The following RARB variants were observed in gnomAD, a reference collection of about 807,000 sequenced individuals.
RARB encodes the protein HBV-activated protein.
In RARB, 17 loss-of-function variants were observed where a neutral mutation model predicts 51.9. The ratio of observed to expected loss-of-function variants is 0.33; its 90% CI spans 0.22 to 0.49. The LOEUF is 0.49. RARB is among the 20% of genes least tolerant of loss of function. The pLI is 0.99. For missense variants in RARB, 369 were observed against 550.8 expected (o/e 0.67, Z 3.30); for synonymous variants, 215 against 195.4 (o/e 1.10, Z -0.84).
intron 1 of RARB, among the ~76,000 whole-genome samples, chr3:25,432,755 C>T (rs965793708): frequency 3.3e-5 from 5 of 152,082 alleles, no homozygotes; most frequent in African/African-American, 1.2e-4. Context: ...AAGGGAAATA[C>T]ATGATAAATA....
intron 2 of RARB, among the ~76,000 whole-genome samples, chr3:24,870,835 G>T (rs1702933498): frequency 6.6e-6 from 1 of 152,062 alleles, no homozygotes; most frequent in Non-Finnish European, 1.5e-5. Context: ...TCACATTGGG[G>T]TAATTGGGAG....
chr3:25,239,645 G>A (rs150392766), intron 5 of RARB, among the ~76,000 whole-genome samples: 188 of 152,216 alleles, frequency 1.2e-3, no homozygotes, highest in African/African-American at 4.3e-3. Flanking sequence ...CCTCTATTCT[G>A]TTCCGTTGGT....
rs1196045087 is a variant in RARB at position 24,959,357 on chromosome 3, G to C, written c.-380+100605G>C. Among the ~76,000 whole-genome samples the C allele has an allele frequency of 2.0e-5, 3 of 152,298 alleles. No individual in the cohort carries two copies. In the East Asian group the frequency reaches 5.8e-4, roughly 29 times the overall value. ...CTCAGTGGGAAGGGGAGCTGGAAAG[G>C]GGATGGAGCAGGAAGGTATTCTTCT... On this transcript the variant is annotated intron_variant, in intron 2 of 11. Transcript: ENST00000383772.
chr3:25,183,303 T>A (rs565041206), intron 5 of RARB, among the ~76,000 whole-genome samples: 1 of 152,270 alleles, frequency 6.6e-6, no homozygotes, highest in South Asian at 2.1e-4. Context: ...AGCCAATCTG[T>A]CTTTATCCTG....
In RARB at chr3:24,999,795, T is replaced by C. The variant is rs865923259; in HGVS notation, c.-379-60330T>C. Among the ~76,000 whole-genome samples the C allele has an allele frequency of 2.0e-5, 3 of 152,274 alleles. No homozygotes were observed. In the South Asian group the frequency reaches 6.2e-4, roughly 32 times the overall value. ...GGTGGTATCCCACTCCCTCACTCTA[T>C]ATCTTGCCTCTGTGGTATAAGTTTT... On this transcript the variant is annotated intron_variant, in intron 2 of 11. Transcript: ENST00000383772.
chr3:25,588,495 G>A (rs1436368462), intron 5 of RARB, among the ~76,000 whole-genome samples: 2 of 152,182 alleles, frequency 1.3e-5, no homozygotes, highest in Non-Finnish European at 2.9e-5. Flanking sequence ...CCAGGCATGT[G>A]TGCTATATTC....
chr3:25,053,995 G>A (rs975119459), intron 2 of RARB, among the ~76,000 whole-genome samples: 3 of 152,102 alleles, frequency 2.0e-5, no homozygotes, highest in Non-Finnish European at 4.4e-5. Context: ...TCTGGGCCTG[G>A]CGCAGGTCAT....
chr3:25,281,505 T>C (rs913990246), intron 5 of RARB, among the ~76,000 whole-genome samples: 6 of 152,198 alleles, frequency 3.9e-5, no homozygotes, highest in Non-Finnish European at 8.8e-5. Flanking sequence ...ACTTAACCTG[T>C]GCTTAATTGA....
At chr3:25,138,390 A>T (rs909733851) in intron 4 of RARB, among the ~76,000 whole-genome samples, 3 of 151,196 alleles carry the variant, frequency 2.0e-5, no homozygotes, top group African/African-American at 7.3e-5. Context: ...TAGGTTGAAC[A>T]TTGCTTTAAA....
At chr3:25,237,396 T>C (rs1002563850) in intron 5 of RARB, among the ~76,000 whole-genome samples, 1 of 152,148 alleles carries the variant, frequency 6.6e-6, no homozygotes, top group South Asian at 2.1e-4. Flanking sequence ...TTTATTTTTC[T>C]TTTTGCACTT....
chr3:25,558,229 T>A (rs1166737282), intron 3 of RARB, among the ~76,000 whole-genome samples: 1 of 152,186 alleles, frequency 6.6e-6, no homozygotes, highest in Non-Finnish European at 1.5e-5. Flanking sequence ...TTATCTGGCC[T>A]CCTCTTAACC....
chr3:25,330,317 C>T (rs543757803), intron 5 of RARB, among the ~76,000 whole-genome samples: 12 of 152,304 alleles, frequency 7.9e-5, no homozygotes, highest in South Asian at 2.1e-4. Flanking sequence ...GCGGATCTCT[C>T]GGCAGACACT....
chr3:25,257,643 C>G (rs322722), intron 5 of RARB, among the ~76,000 whole-genome samples: 1 of 151,814 alleles, frequency 6.6e-6, no homozygotes, highest in Non-Finnish European at 1.5e-5. Context: ...TGTCCAAGTT[C>G]GTCCAAGTCC....
At chr3:25,063,223 C>A (rs1698586955) in intron 3 of RARB, among the ~76,000 whole-genome samples, 1 of 151,992 alleles carries the variant, frequency 6.6e-6, no homozygotes, top group Non-Finnish European at 1.5e-5. Context: ...TGATTAAAAT[C>A]ATACAAATTG....
chr3:25,458,236 C>T (rs1204277184), intron 1 of RARB: 2 of 152,118 alleles, frequency 1.3e-5, no homozygotes, highest in Non-Finnish European at 1.5e-5. Context: ...AAATATTTAT[C>T]GACAAGGAAA....
chr3:25,056,765 A>T (rs1253685666), intron 2 of RARB, among the ~76,000 whole-genome samples: 1 of 152,116 alleles, frequency 6.6e-6, no homozygotes, highest in South Asian at 2.1e-4. Flanking sequence ...CCATTTTGAG[A>T]GGATAGAATT....
chr3:25,310,549 C>T (rs75156194), intron 5 of RARB, among the ~76,000 whole-genome samples: 59 of 152,274 alleles, frequency 3.9e-4, no homozygotes, highest in African/African-American at 1.4e-3. Flanking sequence ...AGACAAAATG[C>T]AGTATGTTCA....
intron 2 of RARB, among the ~76,000 whole-genome samples, chr3:24,942,529 A>C (rs2125400817): frequency 6.6e-6 from 1 of 152,276 alleles, no homozygotes; most frequent in African/African-American, 2.4e-5. Flanking sequence ...AGATATATAG[A>C]GAATTAAGAA....
chr3:25,200,554 T>G (rs937732713), intron 5 of RARB, among the ~76,000 whole-genome samples: 1 of 152,192 alleles, frequency 6.6e-6, no homozygotes, highest in Non-Finnish European at 1.5e-5. Flanking sequence ...TAGGTTTTCT[T>G]CTAGGGTTTT....
Sources: gnomAD v4.1 joint callset for allele counts (sites outside exome capture counted in the v4.1 genomes callset) on GRCh38, gnomAD v4.1.1 for gene constraint, MANE v1.5 for transcripts, NCBI Gene and HGNC (gene_info 2026-07-23, HGNC 2026-07-21) for gene names.